Variants in BDNF observed in about 807,000 individuals in gnomAD.
BDNF encodes the protein brain derived neurotrophic factor, also known as neurotrophic factor BDNF precursor form.
Under a neutral mutation model 19.5 loss-of-function variants are expected in BDNF, and 1 was observed. The observed-to-expected ratio is 0.05, with a 90% CI of 0.02 to 0.24. The LOEUF (loss-of-function observed/expected upper bound fraction) is 0.24. Ranked by LOEUF, BDNF falls within the 10% of genes least tolerant of loss-of-function variation. BDNF has a pLI of 1.00. For missense variants in BDNF, 195 were observed against 317.6 expected, an observed-to-expected ratio of 0.61 and a Z score of 2.93; for synonymous variants, 100 against 121.6, an observed-to-expected ratio of 0.82 and a Z score of 1.17.
chr11:27,700,809 C>G, upstream of BDNF: 1 of 1,214,244 alleles, frequency 8.2e-7, no homozygotes, highest in Non-Finnish European at 1.1e-6. Flanking sequence ...GTCCCGCGCC[C>G]TCTGCAGAAA....
At position 27,656,487 on chromosome 11, in the gene BDNF, C is replaced by G. The variant is rs865922051; in HGVS notation, c.*1334G>C. The G allele has an allele frequency of 1.0e-6, 1 of 959,498 alleles. No individual in the cohort carries two copies. Among genetic ancestry groups the G allele is most frequent in the South Asian group, 4.8e-5 (1 of 20,756 alleles). The allele number at this position is 959,498 out of a possible 1,614,324, so 59.4% of individuals were successfully genotyped here. On this transcript the variant is annotated 3_prime_UTR_variant, in exon 2 of 2. Coordinates refer to ENST00000356660, the MANE Select transcript of BDNF (RefSeq NM_001709.5). ...CTCTGAAGGGTCCTTCAGAGGCCTT[C>G]GTTTTGGAATGTCTCAAATACCATG...
intron 1 of BDNF, chr11:27,698,310 T>G (rs2134069777): frequency 6.6e-6 from 1 of 151,498 alleles, no homozygotes; most frequent in East Asian, 1.9e-4. Context: ...GTTTAGTGAT[T>G]GTTTTTAAAA....
chr11:27,717,860 AGTGTGTGTGTGTGTGT>A (rs56730757), intron 1 of BDNF, among the ~76,000 whole-genome samples: 1 of 147,454 alleles, frequency 6.8e-6, no homozygotes, highest in Non-Finnish European at 1.5e-5. Context: ...TTACAAGTTG[AGTGTGTGTGTGTGTGT>A]GTGTGTGTGT....
chr11:27,719,216 C>T (rs1265780096), intron 1 of BDNF, among the ~76,000 whole-genome samples: 1 of 152,194 alleles, frequency 6.6e-6, no homozygotes, highest in Non-Finnish European at 1.5e-5. Context: ...AGCCCCTCAC[C>T]TCCACCCACC....
intron 1 of BDNF, among the ~76,000 whole-genome samples, chr11:27,671,317 AAG>A (rs1855348845): frequency 6.6e-6 from 1 of 152,084 alleles, no homozygotes; most frequent in South Asian, 2.1e-4. Flanking sequence ...TAAAAAAAAA[AAG>A]AACCTGGAGA....
At chr11:27,704,658 G>C (rs1224889891), upstream of BDNF, among the ~76,000 whole-genome samples, 5 of 152,192 alleles carry the variant, frequency 3.3e-5, no homozygotes, top group Non-Finnish European at 7.4e-5. Context: ...AAACTCTGCT[G>C]TTGAGCAGAG....
At chr11:27,667,899 G>C (rs1854642992) in intron 1 of BDNF, among the ~76,000 whole-genome samples, 1 of 152,152 alleles carries the variant, frequency 6.6e-6, no homozygotes, top group African/African-American at 2.4e-5. Context: ...ATTGAACTCA[G>C]CTCTGCACCA....
At chr11:27,704,238 G>C (rs1003864573), upstream of BDNF, among the ~76,000 whole-genome samples, 21 of 152,078 alleles carry the variant, frequency 1.4e-4, no homozygotes, top group African/African-American at 5.1e-4. Flanking sequence ...CACTTTTGTG[G>C]GGCTTAAAAA....
intron 1 of BDNF, among the ~76,000 whole-genome samples, chr11:27,671,555 A>G (rs1382181676): frequency 6.6e-6 from 1 of 152,186 alleles, no homozygotes; most frequent in Non-Finnish European, 1.5e-5. Context: ...TCAAACTTCA[A>G]ATAATTTTTT....
chr11:27,672,251 CATTA>C (rs776080125), intron 1 of BDNF, among the ~76,000 whole-genome samples: 5 of 152,170 alleles, frequency 3.3e-5, no homozygotes, highest in Non-Finnish European at 5.9e-5. Context: ...TCTACACAAT[CATTA>C]ATTCTTACCA....
At chr11:27,700,920 G>C, upstream of BDNF, 1 of 1,333,306 alleles carries the variant, frequency 7.5e-7, no homozygotes, top group South Asian at 1.2e-5. Flanking sequence ...CCCCATCCCA[G>C]CACCCAAGTT....
At chr11:27,703,602 G>C (rs548294349), upstream of BDNF, among the ~76,000 whole-genome samples, 5 of 152,324 alleles carry the variant, frequency 3.3e-5, no homozygotes, top group East Asian at 9.6e-4. Context: ...CTCTGATTGG[G>C]TGGGTCTATG....
chr11:27,701,724 T>G, upstream of BDNF: 1 of 567,864 alleles, frequency 1.8e-6, no homozygotes, highest in Non-Finnish European at 2.2e-6. Flanking sequence ...GTGCACGAAT[T>G]ACCAGAATCA....
intron 1 of BDNF, chr11:27,699,422 G>T (rs750064487): frequency 6.2e-7 from 1 of 1,613,836 alleles, no homozygotes; most frequent in Non-Finnish European, 8.5e-7. Flanking sequence ...AGACTAACCC[G>T]AGTCAAGAAT....
chr11:27,662,507 A>G (rs1347522318), intron 1 of BDNF, among the ~76,000 whole-genome samples: 4 of 152,234 alleles, frequency 2.6e-5, no homozygotes, highest in Non-Finnish European at 5.9e-5. Flanking sequence ...ACTCTAAGGC[A>G]GTGGTCCCAA....
At chr11:27,660,327 A>G in intron 1 of BDNF, 2 of 824,144 alleles carry the variant, frequency 2.4e-6, no homozygotes, top group South Asian at 3.1e-5. Context: ...ACGAATAGCA[A>G]ACATGCTTAG....
chr11:27,691,754 AG>A (rs1858326414), intron 1 of BDNF, among the ~76,000 whole-genome samples: 3 of 152,214 alleles, frequency 2.0e-5, no homozygotes, highest in Admixed American at 2.0e-4. Flanking sequence ...AAATTATTAA[AG>A]AAAAAAAGTA....
At chr11:27,674,554 C>G in intron 1 of BDNF, 1 of 985,264 alleles carries the variant, frequency 1.0e-6, no homozygotes, top group Non-Finnish European at 1.2e-6. Context: ...TCCAGAACTA[C>G]TATAAAATAT....
chr11:27,710,735 T>G (rs955656614), intron 1 of BDNF, among the ~76,000 whole-genome samples: 5 of 152,226 alleles, frequency 3.3e-5, no homozygotes, highest in African/African-American at 9.6e-5. Context: ...GCATCTGCAG[T>G]ATTATAGCCA....
Sources: gnomAD v4.1 joint callset for allele counts (sites outside exome capture counted in the v4.1 genomes callset) on GRCh38, gnomAD v4.1.1 for gene constraint, MANE v1.5 for transcripts, NCBI Gene and HGNC (gene_info 2026-07-23, HGNC 2026-07-21) for gene names.